DCLK1: variants seen among roughly 807,000 people sequenced by gnomAD.
DCLK1 encodes doublecortin like kinase 1.
A neutral mutation model predicts 86.2 loss-of-function variants in DCLK1; 16 were observed. The observed-to-expected ratio is 0.19, with a 90% CI of 0.13 to 0.28. The LOEUF (loss-of-function observed/expected upper bound fraction) is 0.28. DCLK1 is among the 10% of genes least tolerant of loss of function. The pLI is 1.00. For synonymous variants in DCLK1, 369 were observed against 370.5 expected (o/e 1.00, Z 0.05); for missense variants, 590 against 940.2 (o/e 0.63, Z 4.87).
At chr13:35,826,591 T>G (rs1457529462) in intron 10 of DCLK1, among the ~76,000 whole-genome samples, 1 of 138,844 alleles carries the variant, frequency 7.2e-6, no homozygotes, top group Non-Finnish European at 1.6e-5. Context: ...AGACTAAAAA[T>G]AAATTTCACC....
At chr13:36,009,500 G>A (rs1881178022) in intron 3 of DCLK1, among the ~76,000 whole-genome samples, 1 of 32,522 alleles carries the variant, frequency 3.1e-5, no homozygotes, top group Admixed American at 3.5e-4. Context: ...CCCATTGCTT[G>A]TTTTTCTCAG....
chr13:36,001,741 G>A (rs182154212), intron 3 of DCLK1, among the ~76,000 whole-genome samples: 2 of 152,166 alleles, frequency 1.3e-5, no homozygotes, highest in African/African-American at 4.8e-5. Context: ...CTAAACAAAG[G>A]TTTCCTTTTA....
intron 4 of DCLK1, among the ~76,000 whole-genome samples, chr13:35,893,542 A>AC (rs1566589751): frequency 6.6e-6 from 1 of 152,206 alleles, no homozygotes; most frequent in Non-Finnish European, 1.5e-5. Context: ...ACATGATGCC[A>AC]CAAGTGAAAG....
intron 10 of DCLK1, among the ~76,000 whole-genome samples, chr13:35,824,714 T>C (rs2087480063): frequency 6.6e-6 from 1 of 152,158 alleles, no homozygotes; most frequent in African/African-American, 2.4e-5. Flanking sequence ...CGCTATTTTC[T>C]TTCTCTCTTC....
intron 4 of DCLK1, among the ~76,000 whole-genome samples, chr13:35,910,366 A>G (rs1874941060): frequency 6.6e-6 from 1 of 152,252 alleles, no homozygotes; most frequent in South Asian, 2.1e-4. Flanking sequence ...GAATGTGATA[A>G]TAACAGAGAT....
chr13:35,897,684 T>C (rs765258854), intron 4 of DCLK1, among the ~76,000 whole-genome samples: 12 of 152,186 alleles, frequency 7.9e-5, no homozygotes, highest in Admixed American at 3.9e-4. Context: ...GTAGTGATGG[T>C]TGGGTAGAGG....
At chr13:35,867,507 G>GA (rs1456619617) in intron 5 of DCLK1, among the ~76,000 whole-genome samples, 4 of 152,032 alleles carry the variant, frequency 2.6e-5, no homozygotes, top group Non-Finnish European at 5.9e-5. Flanking sequence ...GGACTTCAAG[G>GA]AAAAAATAGA....
At chr13:35,881,563 T>G (rs1262164610) in intron 4 of DCLK1, among the ~76,000 whole-genome samples, 1 of 152,234 alleles carries the variant, frequency 6.6e-6, no homozygotes, top group East Asian at 1.9e-4. Flanking sequence ...ATTTGGTTGG[T>G]CTTCACTGAT....
intron 3 of DCLK1, among the ~76,000 whole-genome samples, chr13:36,038,214 A>G (rs1421463963): frequency 6.6e-6 from 1 of 152,220 alleles, no homozygotes; most frequent in Non-Finnish European, 1.5e-5. Flanking sequence ...CTAAGCTGGT[A>G]ACAGTTCCCA....
chr13:36,050,746 C>T (rs531206574), intron 3 of DCLK1, among the ~76,000 whole-genome samples: 15 of 152,240 alleles, frequency 9.9e-5, no homozygotes, highest in African/African-American at 2.6e-4. Flanking sequence ...CCATCTCCAC[C>T]GGTGTCCCTT....
rs142564559 is a variant in DCLK1 at position 35,795,831 on chromosome 13, C to T, written c.1945-2352G>A. Among the ~76,000 whole-genome samples, 489 of 146,268 alleles carry T rather than the reference C, an allele frequency of 3.3e-3. 2 individuals are homozygous for T. The highest frequency in any genetic ancestry group is 0.011 in the African/African-American group (444 of 39,084). On this transcript the variant is annotated intron_variant, in intron 15 of 16. Coordinates refer to ENST00000360631, the MANE Select transcript of DCLK1 (RefSeq NM_001330071.2). ...GCTCCAGCTACTCAGGAGGCTGAGA[C>T]GGGAGAATAGCTTGAGCCCGGAGGC...
chr13:35,795,850 C>T (rs193230141), intron 15 of DCLK1, among the ~76,000 whole-genome samples: 3 of 143,174 alleles, frequency 2.1e-5, no homozygotes, highest in African/African-American at 5.3e-5. Flanking sequence ...AGCTTGAGCC[C>T]GGAGGCGGAA....
chr13:36,093,176 T>C (rs770408017), intron 3 of DCLK1, among the ~76,000 whole-genome samples: 2 of 152,192 alleles, frequency 1.3e-5, no homozygotes, highest in East Asian at 1.9e-4. Flanking sequence ...GGTCCTATAA[T>C]TGGAGGAAGG....
chr13:35,943,165 G>A (rs1021942875), intron 4 of DCLK1, among the ~76,000 whole-genome samples: 3 of 152,146 alleles, frequency 2.0e-5, no homozygotes, highest in African/African-American at 7.2e-5. Flanking sequence ...TATGAGAAGA[G>A]GGAAATTCTA....
chr13:36,123,428 T>A (rs1886061048), intron 2 of DCLK1, among the ~76,000 whole-genome samples: 1 of 152,226 alleles, frequency 6.6e-6, no homozygotes, highest in Non-Finnish European at 1.5e-5. Flanking sequence ...TTACCATTCA[T>A]TCAATCAGAT....
chr13:35,881,292 CACTTCCAACTTAGCACCA>C (rs1298197366), intron 4 of DCLK1, among the ~76,000 whole-genome samples: 2 of 152,178 alleles, frequency 1.3e-5, no homozygotes, highest in Non-Finnish European at 2.9e-5. Context: ...TTTTTGTTTG[CACTTCCAACTTAGCACCA>C]ACTAGAAAGG....
At chr13:35,793,698 C>T (rs2086748569) in intron 15 of DCLK1, among the ~76,000 whole-genome samples, 1 of 151,898 alleles carries the variant, frequency 6.6e-6, no homozygotes, top group Admixed American at 6.6e-5. Context: ...TTTGTGTCAT[C>T]TGACCCTCAG....
intron 11 of DCLK1, among the ~76,000 whole-genome samples, chr13:35,812,074 TTC>T (rs1289208930): frequency 3.4e-4 from 51 of 152,178 alleles, no homozygotes. Flanking sequence ...AGTAAAAATC[TTC>T]TCTCTTTCAC....
At position 36,057,909 on chromosome 13, in the gene DCLK1, T is replaced by C. The variant is rs1458938430; in HGVS notation, c.723+53960A>G. Among the ~76,000 whole-genome samples the C allele has an allele frequency of 7.2e-5, 11 of 152,190 alleles. No individual in the cohort carries two copies. The East Asian group carries it at 7.7e-4, about 11-fold the overall frequency. On this transcript the variant is annotated intron_variant, in intron 3 of 16. Coordinates refer to ENST00000360631, the MANE Select transcript of DCLK1 (RefSeq NM_001330071.2). ...CTTCTGGGACAAAGACCACACAGAATGTGAGGATGCATACTATGACTTCTG... is the reference window on the plus strand; with the variant it reads ...CTTCTGGGACAAAGACCACACAGAACGTGAGGATGCATACTATGACTTCTG...
Sources: gnomAD v4.1 joint callset for allele counts (sites outside exome capture counted in the v4.1 genomes callset) on GRCh38, gnomAD v4.1.1 for gene constraint, MANE v1.5 for transcripts, NCBI Gene and HGNC (gene_info 2026-07-23, HGNC 2026-07-21) for gene names.